Variants in LONP2 observed in about 807,000 individuals in gnomAD.
The protein encoded by LONP2 is lon peptidase 2, peroxisomal.
In LONP2, 60 loss-of-function variants were observed where a neutral mutation model predicts 85.6. The observed-to-expected ratio is 0.70, with a 90% CI of 0.57 to 0.87. The LOEUF is 0.87. Ranked by LOEUF, LONP2 falls within the 40% of genes least tolerant of loss-of-function variation. LONP2 has a pLI of 0.00. For missense variants in LONP2, 860 were observed against 1,063.5 expected (o/e 0.81, Z 2.66); for synonymous variants, 395 against 389.7 (o/e 1.01, Z -0.16).
At position 48,290,448 on chromosome 16, in the gene LONP2, C is replaced by T. The variant is rs116873389; in HGVS notation, c.1384-5567C>T. Among the ~76,000 whole-genome samples, 845 of 152,198 alleles carry T rather than the reference C, an allele frequency of 5.6e-3. 8 individuals carry two copies. The highest frequency in any genetic ancestry group is 7.6e-3 in the Non-Finnish European group (517 of 68,004). On this transcript the variant is annotated intron_variant, in intron 8 of 14. Transcript: ENST00000285737. ...AGATCCTACGGGTTGAGCACTGAGT[C>T]CCACAAGACTGCCTCCCCCTTCAGA...
intron 14 of LONP2, among the ~76,000 whole-genome samples, chr16:48,351,217 G>A (rs1355582652): frequency 6.6e-6 from 1 of 152,148 alleles, no homozygotes; most frequent in Non-Finnish European, 1.5e-5. Context: ...CGGCGCTCAT[G>A]GTCAGAATCA....
At chr16:48,349,565 A>T (rs1300736807) in intron 14 of LONP2, among the ~76,000 whole-genome samples, 3 of 152,206 alleles carry the variant, frequency 2.0e-5, no homozygotes, top group Non-Finnish European at 2.9e-5. Context: ...CCTGGGGTAC[A>T]CCTTCAGCTC....
intron 12 of LONP2, chr16:48,344,431 C>G (rs570069090): frequency 6.6e-6 from 1 of 152,250 alleles, no homozygotes; most frequent in African/African-American, 2.4e-5. Flanking sequence ...AGGTTAATAT[C>G]AGAACACTTG....
At chr16:48,362,086 C>CT (rs1394687373), downstream of LONP2, 1 of 1,614,180 alleles carries the variant, frequency 6.2e-7, no homozygotes, top group Non-Finnish European at 8.5e-7. This position sits in a 1 kb window ranked among gnomAD's most constrained non-coding sequence, Gnocchi z 4.2. Flanking sequence ...TCATGGTCTG[C>CT]TTTTTCTGTG....
downstream of LONP2, chr16:48,361,342 G>T: frequency 2.4e-6 from 1 of 423,084 alleles, no homozygotes; most frequent in Non-Finnish European, 4.3e-6. Flanking sequence ...TACAAAAGAT[G>T]CCCATCTTGG....
intron 6 of LONP2, among the ~76,000 whole-genome samples, chr16:48,263,876 A>G (rs111322939): frequency 0.014 from 2,077 of 152,328 alleles, 48 homozygotes; most frequent in African/African-American, 0.047. Context: ...AGAAATAAAG[A>G]GACAGAGTAC....
At chr16:48,345,207 G>C (rs192930796) in intron 12 of LONP2, 1 of 152,192 alleles carries the variant, frequency 6.6e-6, no homozygotes, top group Non-Finnish European at 1.5e-5. Flanking sequence ...GCTACAGAGC[G>C]AGACTCTGTC....
rs1205391298 is a variant in LONP2, at chr16:48,354,383, T to A, written c.*2581T>A. On this transcript the variant is annotated 3_prime_UTR_variant, in exon 15 of 15. Coordinates refer to ENST00000285737, the MANE Select transcript of LONP2 (RefSeq NM_031490.5). ...CCACCACGCCCAGCTAATTTTTGTA[T>A]TTTTTAGTAGAGACAGGGTTTCACC... 2.0e-5 allele frequency: 3 copies of A among 151,758 alleles called. No homozygotes were observed. The East Asian group carries it at 5.8e-4, about 29-fold the overall frequency. The allele number at this position is 151,758 out of a possible 1,614,324, so 9.4% of individuals were successfully genotyped here.
chr16:48,294,345 A>G (rs1972623550), intron 8 of LONP2, among the ~76,000 whole-genome samples: 1 of 152,232 alleles, frequency 6.6e-6, no homozygotes, highest in Non-Finnish European at 1.5e-5. Context: ...CTTGTTTTTT[A>G]ATGATATTAA....
At chr16:48,359,729 C>T (rs917192115), downstream of LONP2, among the ~76,000 whole-genome samples, 1 of 151,870 alleles carries the variant, frequency 6.6e-6, no homozygotes, top group African/African-American at 2.4e-5. Flanking sequence ...AAAAAAAAAG[C>T]TCCACAAGCA....
rs544330331 is a variant in LONP2 at position 48,357,323 on chromosome 16, T to G, written c.*5521T>G. On this transcript the variant is annotated 3_prime_UTR_variant, in exon 15 of 15. Coordinates refer to ENST00000285737, the MANE Select transcript of LONP2 (RefSeq NM_031490.5). Reference sequence around the variant, plus strand: ...GGAATTTTGTTTGGATGGTGCCATTTTTAGATAAACGTACGTTTCTTTTGG... The same window carrying G: ...GGAATTTTGTTTGGATGGTGCCATTGTTAGATAAACGTACGTTTCTTTTGG... 2.6e-5 allele frequency: 4 copies of G among 152,364 alleles called. No individual in the cohort carries two copies. In the South Asian group the frequency reaches 8.3e-4, roughly 32 times the overall value. The allele number at this position is 152,364 out of a possible 1,614,324, so 9.4% of individuals were successfully genotyped here.
intron 6 of LONP2, among the ~76,000 whole-genome samples, chr16:48,268,120 A>G (rs868735765): frequency 6.6e-6 from 1 of 152,226 alleles, no homozygotes; most frequent in African/African-American, 2.4e-5. Context: ...AATTTTTTAC[A>G]TGTAATCACA....
chr16:48,311,948 T>C (rs1199692298), intron 11 of LONP2, among the ~76,000 whole-genome samples: 1 of 151,876 alleles, frequency 6.6e-6, no homozygotes, highest in East Asian at 1.9e-4. Context: ...TTCTTCTTTT[T>C]TTTTTTTTCT....
At chr16:48,335,477 G>T (rs1053190269) in intron 12 of LONP2, among the ~76,000 whole-genome samples, 1 of 152,200 alleles carries the variant, frequency 6.6e-6, no homozygotes, top group African/African-American at 2.4e-5. Flanking sequence ...ACTGCTAAGG[G>T]CATTGTGAAA....
chr16:48,305,411 C>T (rs112322435), intron 11 of LONP2, among the ~76,000 whole-genome samples: 9,739 of 152,042 alleles, frequency 0.064, 372 homozygotes, highest in Middle Eastern at 0.15. Context: ...GATGCCACCA[C>T]GCCCGGCTAA....
At chr16:48,255,825 C>T (rs922838162) in intron 2 of LONP2, among the ~76,000 whole-genome samples, 9 of 152,100 alleles carry the variant, frequency 5.9e-5, no homozygotes, top group Non-Finnish European at 1.2e-4. Context: ...TCTCCTTTGC[C>T]TTCCTCCATG....
At chr16:48,276,989 A>G (rs1324192734) in intron 7 of LONP2, among the ~76,000 whole-genome samples, 1 of 152,114 alleles carries the variant, frequency 6.6e-6, no homozygotes, top group East Asian at 1.9e-4. Context: ...AAAATCATGG[A>G]AAGCATGGGA....
In LONP2 at chr16:48,244,496, C is replaced by T; in HGVS notation, c.108C>T (p.Ala36=). 1 of 1,598,546 alleles carries T rather than the reference C, an allele frequency of 6.3e-7. No individual in the cohort carries two copies. Among genetic ancestry groups the T allele is most frequent in the Non-Finnish European group, 8.5e-7 (1 of 1,176,302 alleles). The change falls in exon 1 of 15, where the codon GCC becomes GCT. Residue 36 remains alanine, a synonymous_variant. Coordinates refer to ENST00000285737, the MANE Select transcript of LONP2 (RefSeq NM_031490.5). Reference sequence around the variant, plus strand: ...CCATGCGCACCAGCGTGGACTCGGCCCGCAACCTGCAGCTGGTGCGGAGCC... The same window carrying T: ...CCATGCGCACCAGCGTGGACTCGGCTCGCAACCTGCAGCTGGTGCGGAGCC... The part of the protein sequence containing the change: ...GSTMRTSVDS[A]RNLQLVRSRL...
At position 48,352,383 on chromosome 16, in the gene LONP2, CA is replaced by C. The variant is rs1960178071; in HGVS notation, c.*582del. ...CAAGTGGGCCGGGCGTGATGGCTCACACCTGTAATTCCAGCACTTTGGGAGG... is the reference window on the plus strand; with the variant it reads ...CAAGTGGGCCGGGCGTGATGGCTCACCCTGTAATTCCAGCACTTTGGGAGG... On this transcript the variant is annotated 3_prime_UTR_variant, in exon 15 of 15. Coordinates refer to ENST00000285737, the MANE Select transcript of LONP2 (RefSeq NM_031490.5). 1 of 152,600 alleles carries C rather than the reference CA, an allele frequency of 6.6e-6. No homozygotes were observed. The highest frequency in any genetic ancestry group is 2.4e-5 in the African/African-American group (1 of 41,450). 9.5% of individuals were successfully genotyped at this position (152,600 alleles called of 1,614,324 possible).
Sources: gnomAD v4.1 joint callset for allele counts (sites outside exome capture counted in the v4.1 genomes callset) on GRCh38, gnomAD v4.1.1 for gene constraint, Gnocchi (gnomAD v3.1) non-coding constraint, MANE v1.5 for transcripts, NCBI Gene and HGNC (gene_info 2026-07-23, HGNC 2026-07-21) for gene names.